Variants in BRWD3 observed in about 807,000 individuals in gnomAD.
The protein encoded by BRWD3 is bromodomain and WD repeat domain containing 3.
A neutral mutation model predicts 149.7 loss-of-function variants in BRWD3; 10 were observed. That is an observed-to-expected ratio of 0.07 (90% CI 0.04 to 0.11). The LOEUF (loss-of-function observed/expected upper bound fraction) is 0.11, where lower values mean the gene tolerates loss of function less well. Ranked by LOEUF, BRWD3 falls within the 10% of genes least tolerant of loss-of-function variation. The probability of loss-of-function intolerance (pLI) is 1.00; values close to 1 mark genes in which losing one functional copy is unlikely to be tolerated. For missense variants in BRWD3, 940 were observed against 1,373.2 expected (o/e 0.68, Z 4.99); for synonymous variants, 504 against 456.7 (o/e 1.10, Z -1.32).
At chrX:80,743,895 A>G in intron 8 of BRWD3, 137 bp downstream of exon 8, 1 of 427,653 alleles carries the variant, frequency 2.3e-6, no homozygotes, top group Non-Finnish European at 4.0e-6. Flanking sequence ...ATCTTGCTGC[A>G]GGGTAGGAGC....
In BRWD3 at chrX:80,673,413, G is replaced by C. The variant is rs2072338488; in HGVS notation, c.*3196C>G. ...AAATATACAGGCTAAGAGCTGTAGAGAGGCAAAAAGTTGGCAGACTGTCCT... is the reference window on the plus strand; with the variant it reads ...AAATATACAGGCTAAGAGCTGTAGACAGGCAAAAAGTTGGCAGACTGTCCT... On this transcript the variant is annotated 3_prime_UTR_variant, in exon 41 of 41. Coordinates refer to ENST00000373275, the MANE Select transcript of BRWD3 (RefSeq NM_153252.5). 1 of 111,759 alleles carries C rather than the reference G, an allele frequency of 8.9e-6. No individual in the cohort carries two copies. The highest frequency in any genetic ancestry group is 3.2e-5 in the African/African-American group (1 of 30,823). The allele number at this position is 111,759 out of a possible 1,213,427, so 9.2% of individuals were successfully genotyped here.
chrX:80,779,848 T>C (rs1252507731), intron 6 of BRWD3, among the ~76,000 whole-genome samples: 1 of 111,850 alleles, frequency 8.9e-6, no homozygotes, highest in Non-Finnish European at 1.9e-5. Context: ...CCAAAGTTGA[T>C]GCCAATCACA....
rs2072339398 is a variant in BRWD3, at chrX:80,673,510, C to T, written c.*3099G>A. 9.0e-6 allele frequency: 1 copy of T among 111,116 alleles called. No individual in the cohort carries two copies. Among genetic ancestry groups the T allele is most frequent in the Admixed American group, 9.6e-5 (1 of 10,425 alleles). 9.2% of individuals were successfully genotyped at this position (111,116 alleles called of 1,213,427 possible). ...CAAGTTGGGGAAAAAACTTTACACA[C>T]ATACAAGTGCACAAACACACATATA... On this transcript the variant is annotated 3_prime_UTR_variant, in exon 41 of 41. Coordinates refer to ENST00000373275, the MANE Select transcript of BRWD3 (RefSeq NM_153252.5).
chrX:80,708,096 A>C (rs895859072), intron 21 of BRWD3, among the ~76,000 whole-genome samples: 1 of 112,372 alleles, frequency 8.9e-6, no homozygotes, highest in African/African-American at 3.2e-5. Context: ...ATCACATTAC[A>C]TTTAAAAGGG....
chrX:80,707,363 G>A lies in BRWD3; in HGVS notation c.2552+64C>T, dbSNP rs1475606584. On this transcript the variant is annotated intron_variant, in intron 22 of 40. Transcript: ENST00000373275. ...AATTCTGGTTTTACCAATTTCCTAC[G>A]AGAACATAATTTCGTATTAAAACTG... The A allele has an allele frequency of 1.2e-5, 12 of 1,000,302 alleles. No homozygotes were observed. In the Admixed American group the frequency reaches 1.4e-4, roughly 12 times the overall value. The allele number at this position is 1,000,302 out of a possible 1,213,427, so 82.4% of individuals were successfully genotyped here. A position where few individuals can be genotyped will look rare whatever the true frequency, so the allele number is the denominator to read the frequency against.
In BRWD3 at chrX:80,677,031, T is replaced by C. The variant is rs1449048311; in HGVS notation, c.4987A>G (p.Arg1663Gly). Reference sequence around the variant, plus strand: ...CCTGTGCCTCTGGTCTTCCAATTTCTTTTTCCATTGCCATGTTGCTTTCTG... The same window carrying C: ...CCTGTGCCTCTGGTCTTCCAATTTCCTTTTCCATTGCCATGTTGCTTTCTG... ...KLRKQHGNGK[R>G]NWKTRGTGGR... The change falls in exon 41 of 41, where the codon AGA becomes GGA. Residue 1663 changes from arginine (R) to glycine (G), a missense_variant. Arg to Gly is a moderately radical substitution (Grantham distance 125). Coordinates refer to ENST00000373275, the MANE Select transcript of BRWD3 (RefSeq NM_153252.5). 1.7e-6 allele frequency: 2 copies of C among 1,209,356 alleles called. No individual in the cohort carries two copies. Among genetic ancestry groups the C allele is most frequent in the Non-Finnish European group, 2.2e-6 (2 of 894,931 alleles).
chrX:80,794,934 C>T (rs1416449877), intron 4 of BRWD3, among the ~76,000 whole-genome samples: 1 of 111,280 alleles, frequency 9.0e-6, no homozygotes, highest in Non-Finnish European at 1.9e-5. Context: ...GCACCAAACC[C>T]ACAACCAATA....
At chrX:80,695,380 T>A (rs992076524) in intron 27 of BRWD3, among the ~76,000 whole-genome samples, 8 of 112,137 alleles carry the variant, frequency 7.1e-5, no homozygotes, top group African/African-American at 2.6e-4. Context: ...TGCAAAAAAG[T>A]TGATAGTTTA....
chrX:80,723,411 C>T (rs971752894), intron 16 of BRWD3, among the ~76,000 whole-genome samples: 2 of 110,986 alleles, frequency 1.8e-5, no homozygotes, highest in African/African-American at 6.5e-5. Context: ...CAGTCACCAG[C>T]GGTTTATTCC....
chrX:80,742,725 T>G (rs1322525486), intron 8 of BRWD3, among the ~76,000 whole-genome samples: 1 of 111,232 alleles, frequency 9.0e-6, no homozygotes, highest in East Asian at 2.8e-4. Flanking sequence ...TAGGAATGCT[T>G]GATTTCTGCA....
At chrX:80,696,092 G>A in intron 26 of BRWD3, 102 bp from the exon 27 acceptor site, 3 of 732,166 alleles carry the variant, frequency 4.1e-6, no homozygotes, top group Non-Finnish European at 6.2e-6. Flanking sequence ...ATTGAGAAAA[G>A]TTTGCAAACC....
chrX:80,672,360 G>C lies in BRWD3; in HGVS notation c.*4249C>G, dbSNP rs1268977478. The C allele has an allele frequency of 1.1e-5, 1 of 94,395 alleles. No individual in the cohort carries two copies. The highest frequency in any genetic ancestry group is 3.9e-5 in the African/African-American group (1 of 25,690). 7.8% of individuals were successfully genotyped at this position (94,395 alleles called of 1,213,427 possible). On this transcript the variant is annotated 3_prime_UTR_variant, in exon 41 of 41. Coordinates refer to ENST00000373275, the MANE Select transcript of BRWD3 (RefSeq NM_153252.5). Reference sequence around the variant, plus strand: ...ACGGTGGCTCATGCCTGTAATCCCAGCACTTTGGGAGGCCGAGGTGAGGAA... The same window carrying C: ...ACGGTGGCTCATGCCTGTAATCCCACCACTTTGGGAGGCCGAGGTGAGGAA...
At chrX:80,693,104 TC>T in intron 27 of BRWD3, 53 bp from the exon 28 acceptor site, 1 of 960,927 alleles carries the variant, frequency 1.0e-6, no homozygotes, top group South Asian at 1.9e-5. Flanking sequence ...TTAGCTCTGT[TC>T]CCACTCTAAA....
chrX:80,731,894 C>CA (rs760738184), intron 12 of BRWD3, among the ~76,000 whole-genome samples: 1,408 of 22,722 alleles, frequency 0.062, 126 homozygotes, highest in African/African-American at 0.14. Context: ...GACTCTGTCT[C>CA]AAAAAAAAAA....
chrX:80,713,645 C>G (rs971167107), intron 20 of BRWD3, among the ~76,000 whole-genome samples: 2 of 109,519 alleles, frequency 1.8e-5, no homozygotes, highest in African/African-American at 6.7e-5. Flanking sequence ...TCCTATGACC[C>G]TGCCAAATCC....
rs1417693455 is a variant in BRWD3 at position 80,675,214 on chromosome X, T to C, written c.*1395A>G. ...TAAGGGTTTTTAAAGATGTTTTTTA[T>C]CTATAAAATAATGATTCACAACATG... On this transcript the variant is annotated 3_prime_UTR_variant, in exon 41 of 41. Transcript: ENST00000373275. 1 of 111,964 alleles carries C rather than the reference T, an allele frequency of 8.9e-6. No homozygotes were observed. The highest frequency in any genetic ancestry group is 3.2e-5 in the African/African-American group (1 of 30,881). 9.2% of individuals were successfully genotyped at this position (111,964 alleles called of 1,213,427 possible). A position where few individuals can be genotyped will look rare whatever the true frequency, so the allele number is the denominator to read the frequency against.
At position 80,703,477 on chromosome X, in the gene BRWD3, T is replaced by C. The variant is rs1255258149; in HGVS notation, c.2835+3A>G. 8.5e-7 allele frequency: 1 copy of C among 1,174,531 alleles called. No homozygotes were observed. Among genetic ancestry groups the C allele is most frequent in the Non-Finnish European group, 1.2e-6 (1 of 865,889 alleles). ...GAAAAAGGTTATAACAGGTAATAAT[T>C]ACCTCATCTCCCATTTGTGGGACAA... On this transcript the variant is annotated splice_donor_region_variant and intron_variant, in intron 24 of 40. Coordinates refer to ENST00000373275, the MANE Select transcript of BRWD3 (RefSeq NM_153252.5).
At chrX:80,770,562 TAAAAACTCTC>T (rs1345593663) in intron 6 of BRWD3, among the ~76,000 whole-genome samples, 1 of 111,487 alleles carries the variant, frequency 9.0e-6, no homozygotes, top group Non-Finnish European at 1.9e-5. Flanking sequence ...CGCTTCATGC[TAAAAACTCTC>T]AATAAACTAG....
chrX:80,719,420 A>C, intron 18 of BRWD3, 69 bp downstream of exon 18: 2 of 989,599 alleles, frequency 2.0e-6, no homozygotes, highest in East Asian at 6.3e-5. Context: ...TTTTCCATGT[A>C]ATTATTTGGT....
Sources: gnomAD v4.1 joint callset for allele counts (sites outside exome capture counted in the v4.1 genomes callset) on GRCh38, gnomAD v4.1.1 for gene constraint, MANE v1.5 for transcripts, NCBI Gene and HGNC (gene_info 2026-07-23, HGNC 2026-07-21) for gene names.